Variants in ZNF385C observed in about 807,000 individuals in gnomAD.
The protein encoded by ZNF385C is CTD-2132N18.2.
ZNF385C carries 28 observed loss-of-function variants against 35.4 expected under a neutral mutation model. The observed-to-expected ratio is 0.79, with a 90% CI of 0.59 to 1.08. ZNF385C has a LOEUF of 1.08. Among genes scored for constraint, ZNF385C ranks in the 50% least tolerant of loss-of-function variants. The pLI, the probability that ZNF385C is intolerant of heterozygous loss-of-function variation, is 0.00. For missense variants in ZNF385C, 605 were observed against 595.6 expected, an observed-to-expected ratio of 1.02 and a Z score of -0.16; for synonymous variants, 248 against 248.2, an observed-to-expected ratio of 1.00 and a Z score of 0.01.
chr17:42,039,476 C>G, intron 2 of ZNF385C: 1 of 392,818 alleles, frequency 2.5e-6, no homozygotes, highest in Middle Eastern at 6.4e-4. Flanking sequence ...TACCCCAGAT[C>G]CTAGCATCTC....
chr17:42,082,174 TC>T (rs1312803754), intron 1 of ZNF385C, among the ~76,000 whole-genome samples: 24 of 152,282 alleles, frequency 1.6e-4, no homozygotes, highest in African/African-American at 5.1e-4. Flanking sequence ...ATGGCGTGCT[TC>T]ATGTCTGGCT....
chr17:42,034,059 C>T (rs782063692), intron 4 of ZNF385C, among the ~76,000 whole-genome samples, 166 bp downstream of exon 4: 25 of 152,072 alleles, frequency 1.6e-4, no homozygotes, highest in Non-Finnish European at 7.4e-5. Flanking sequence ...GGAGAGGATG[C>T]GATGGTTAAA....
chr17:42,071,418 C>T (rs1317739593), intron 1 of ZNF385C, among the ~76,000 whole-genome samples: 2 of 152,088 alleles, frequency 1.3e-5, no homozygotes, highest in Non-Finnish European at 2.9e-5. Flanking sequence ...TCCTCACCCC[C>T]AGTTGTCTGC....
intron 1 of ZNF385C, 89 bp from the exon 2 acceptor site, chr17:42,063,147 G>A (rs1345685247): frequency 1.4e-5 from 8 of 556,052 alleles, no homozygotes; most frequent in Non-Finnish European, 1.3e-5. Context: ...GGAGACACGG[G>A]GCTCTGTATC....
At chr17:42,044,140 TAAA>T (rs35206698) in intron 2 of ZNF385C, among the ~76,000 whole-genome samples, 2 of 83,596 alleles carry the variant, frequency 2.4e-5, no homozygotes, top group Non-Finnish European at 2.2e-5. Context: ...ACCCCATCTC[TAAA>T]AAAAAAAAAA....
chr17:42,034,304 T>C lies in ZNF385C; in HGVS notation c.431A>G (p.His144Arg). The C allele has an allele frequency of 6.4e-7, 1 of 1,550,612 alleles. No individual in the cohort carries two copies. The highest frequency in any genetic ancestry group is 8.7e-7 in the Non-Finnish European group (1 of 1,146,988). ...CAGAGGGGAGGGGACACCAAACGTG[T>C]GGCTGATGACAGCTTTCTGGACCGG... The part of the protein sequence containing the change: ...MDPVQKAVIS[H>R]TFGVPSPLKK... Residue 144 changes from histidine to arginine, a missense_variant, in exon 4 of 9, where the codon CAC (histidine) becomes CGC (arginine). Transcript: ENST00000692273.
At chr17:42,055,396 T>C (rs2053357821) in intron 2 of ZNF385C, among the ~76,000 whole-genome samples, 1 of 151,298 alleles carries the variant, frequency 6.6e-6, no homozygotes, top group Admixed American at 6.6e-5. Context: ...TTCCTGGTGG[T>C]CCTGGGGGAG....
chr17:42,035,109 A>G (rs2052820078), intron 3 of ZNF385C, among the ~76,000 whole-genome samples: 1 of 92,370 alleles, frequency 1.1e-5, no homozygotes, highest in Non-Finnish European at 2.0e-5. Context: ...ACAGAGTGAG[A>G]CTCTGTCTCA....
chr17:42,081,421 C>T (rs550566876), intron 1 of ZNF385C, among the ~76,000 whole-genome samples: 1 of 152,312 alleles, frequency 6.6e-6, no homozygotes, highest in South Asian at 2.1e-4. Context: ...GAGTCTGACT[C>T]TGTCACCCAG....
At chr17:42,082,681 C>T (rs1260182769) in intron 1 of ZNF385C, among the ~76,000 whole-genome samples, 1 of 152,246 alleles carries the variant, frequency 6.6e-6, no homozygotes, top group Admixed American at 6.5e-5. Flanking sequence ...GCCTGTAATC[C>T]CAGCACTTCA....
At chr17:42,035,103 A>G (rs1167184017) in intron 3 of ZNF385C, among the ~76,000 whole-genome samples, 3 of 108,398 alleles carry the variant, frequency 2.8e-5, no homozygotes, top group Non-Finnish European at 5.1e-5. Context: ...TGGGCAACAG[A>G]GTGAGACTCT....
At chr17:42,071,187 C>T (rs2053619346) in intron 1 of ZNF385C, among the ~76,000 whole-genome samples, 1 of 133,918 alleles carries the variant, frequency 7.5e-6, no homozygotes, top group Non-Finnish European at 1.6e-5. Flanking sequence ...CCGCTGGACA[C>T]ACCCAAGGCA....
chr17:42,089,701 C>T (rs1555660361), intron 1 of ZNF385C, among the ~76,000 whole-genome samples: 2 of 152,140 alleles, frequency 1.3e-5, no homozygotes, highest in East Asian at 1.9e-4. Context: ...CAGTCAATCA[C>T]ACAATGGCAG....
intron 1 of ZNF385C, among the ~76,000 whole-genome samples, chr17:42,081,041 G>T (rs2053742353): frequency 6.6e-6 from 1 of 152,204 alleles, no homozygotes; most frequent in African/African-American, 2.4e-5. Flanking sequence ...CAGAGTAGGG[G>T]GTCGATAAAT....
intron 1 of ZNF385C, among the ~76,000 whole-genome samples, chr17:42,075,257 C>A (rs1567994949): frequency 6.6e-6 from 1 of 152,016 alleles, no homozygotes; most frequent in Non-Finnish European, 1.5e-5. Context: ...TGTATGAGAC[C>A]CTAACACTGC....
chr17:42,046,783 A>G (rs1177039762), intron 2 of ZNF385C, among the ~76,000 whole-genome samples: 1 of 152,160 alleles, frequency 6.6e-6, no homozygotes, highest in Non-Finnish European at 1.5e-5. Context: ...AACACATTAA[A>G]AAAGAAATGA....
chr17:42,053,003 A>G (rs1360229391), intron 2 of ZNF385C, among the ~76,000 whole-genome samples: 1 of 152,198 alleles, frequency 6.6e-6, no homozygotes, highest in African/African-American at 2.4e-5. Context: ...TCCAGGGGAG[A>G]GAGAGCCAAA....
intron 5 of ZNF385C, among the ~76,000 whole-genome samples, chr17:42,029,715 AAAAC>A (rs797043938): frequency 6.4e-4 from 97 of 151,976 alleles, no homozygotes; most frequent in Non-Finnish European, 8.5e-4. Flanking sequence ...CGCCATCTCA[AAAAC>A]AAACAAACAA....
At chr17:42,045,687 C>T (rs150765572) in intron 2 of ZNF385C, among the ~76,000 whole-genome samples, 68 of 152,310 alleles carry the variant, frequency 4.5e-4, no homozygotes, top group African/African-American at 1.5e-3. Context: ...CAGGCCCTCA[C>T]GGTATCACCT....
Sources: gnomAD v4.1 joint callset for allele counts (sites outside exome capture counted in the v4.1 genomes callset) on GRCh38, gnomAD v4.1.1 for gene constraint, MANE v1.5 for transcripts, NCBI Gene and HGNC (gene_info 2026-07-23, HGNC 2026-07-21) for gene names.